Variants in RBFOX1 observed in about 807,000 individuals in gnomAD.
RBFOX1 encodes the protein RNA binding protein fox-1 homolog 1.
In RBFOX1, 8 loss-of-function variants were observed where a neutral mutation model predicts 57.7. The ratio of observed to expected loss-of-function variants is 0.14; its 90% CI spans 0.08 to 0.25. RBFOX1 has a LOEUF of 0.25. Ranked by LOEUF, RBFOX1 falls within the 10% of genes least tolerant of loss-of-function variation. RBFOX1 has a pLI of 1.00. For synonymous variants in RBFOX1, 326 were observed against 222.4 expected (o/e 1.47, Z -4.15); for missense variants, 611 against 548.5 (o/e 1.11, Z -1.14).
chr16:5,690,063 C>T (rs143032917), intron 3 of RBFOX1, among the ~76,000 whole-genome samples: 3 of 152,272 alleles, frequency 2.0e-5, no homozygotes, highest in African/African-American at 7.2e-5. Context: ...GAGAGCTGGA[C>T]AGTGGTCAGG....
At chr16:6,257,980 G>C (rs149605672) in intron 1 of RBFOX1, among the ~76,000 whole-genome samples, 1 of 151,872 alleles carries the variant, frequency 6.6e-6, no homozygotes, top group Non-Finnish European at 1.5e-5. Flanking sequence ...TCTCTTTTTT[G>C]GTCTTTGAGG....
intron 3 of RBFOX1, among the ~76,000 whole-genome samples, chr16:6,978,752 C>G (rs1273046443): frequency 6.6e-6 from 1 of 152,218 alleles, no homozygotes; most frequent in Non-Finnish European, 1.5e-5. Flanking sequence ...ATTCGAACCC[C>G]AGATTTGAAC....
intron 2 of RBFOX1, among the ~76,000 whole-genome samples, chr16:6,551,741 T>C (rs145125211): frequency 4.2e-4 from 64 of 152,260 alleles, no homozygotes; most frequent in Middle Eastern, 3.4e-3. Flanking sequence ...TGATTGATAA[T>C]AAGGCAGCAG....
chr16:5,705,735 G>A (rs1452001652), intron 3 of RBFOX1, among the ~76,000 whole-genome samples: 1 of 152,166 alleles, frequency 6.6e-6, no homozygotes, highest in Non-Finnish European at 1.5e-5. Flanking sequence ...AGCAAAGCAG[G>A]TGGGCTTTTA....
At chr16:5,557,847 T>C (rs1252138002) in intron 2 of RBFOX1, among the ~76,000 whole-genome samples, 1 of 152,174 alleles carries the variant, frequency 6.6e-6, no homozygotes, top group Non-Finnish European at 1.5e-5. Context: ...ATGCCCCTCG[T>C]CCTGGCCCCG....
intron 4 of RBFOX1, among the ~76,000 whole-genome samples, chr16:7,190,115 C>A (rs2085003562): frequency 6.6e-6 from 1 of 152,152 alleles, no homozygotes; most frequent in African/African-American, 2.4e-5. Flanking sequence ...AATCCCAGAA[C>A]TTTGGGAGGC....
intron 4 of RBFOX1, among the ~76,000 whole-genome samples, chr16:7,366,584 G>T (rs1317642097): frequency 2.0e-5 from 3 of 151,950 alleles, no homozygotes; most frequent in Non-Finnish European, 4.4e-5. Flanking sequence ...TGTCCTAGTT[G>T]ATATATTTGT....
chr16:6,174,481 A>G (rs1176375054), intron 1 of RBFOX1, among the ~76,000 whole-genome samples: 2 of 152,120 alleles, frequency 1.3e-5, no homozygotes, highest in African/African-American at 4.8e-5. Flanking sequence ...TGTAGTCCCA[A>G]CTATTGGGGA....
intron 14 of RBFOX1, 109 bp from the exon 15 acceptor site, chr16:7,708,947 G>C (rs563953581): frequency 2.1e-6 from 2 of 961,956 alleles, no homozygotes; most frequent in Non-Finnish European, 3.3e-6. Context: ...CTTCTCACTG[G>C]AAGATGAGTA....
intron 5 of RBFOX1, among the ~76,000 whole-genome samples, chr16:7,522,080 C>T (rs935682927): frequency 2.6e-5 from 4 of 152,174 alleles, no homozygotes; most frequent in Admixed American, 1.3e-4. Flanking sequence ...CTGAGTGTCC[C>T]AGCCCTGGGG....
intron 4 of RBFOX1, among the ~76,000 whole-genome samples, chr16:7,511,481 C>A (rs1356820090): frequency 2.6e-5 from 4 of 152,160 alleles, no homozygotes; most frequent in African/African-American, 7.2e-5. Context: ...ATTCTCTGAG[C>A]ATCAGAAGAG....
chr16:7,351,555 A>G (rs1000940909), intron 4 of RBFOX1, among the ~76,000 whole-genome samples: 1 of 152,230 alleles, frequency 6.6e-6, no homozygotes, highest in Non-Finnish European at 1.5e-5. Context: ...ATAATGTAAG[A>G]GGGAAGAAAC....
intron 1 of RBFOX1, among the ~76,000 whole-genome samples, chr16:6,136,704 T>G (rs994912377): frequency 1.3e-5 from 2 of 152,092 alleles, no homozygotes; most frequent in African/African-American, 4.8e-5. Context: ...AAGGAAGCAT[T>G]TCTCTTCAAA....
chr16:5,647,718 A>G (rs1448154819), intron 3 of RBFOX1, among the ~76,000 whole-genome samples: 1 of 152,230 alleles, frequency 6.6e-6, no homozygotes, highest in Non-Finnish European at 1.5e-5. Context: ...CTGCAACGCC[A>G]GGTTCAAGGC....
intron 14 of RBFOX1, among the ~76,000 whole-genome samples, chr16:7,677,958 C>G (rs952209360): frequency 2.6e-5 from 4 of 152,136 alleles, no homozygotes; most frequent in African/African-American, 9.7e-5. Flanking sequence ...CCATTTCTCA[C>G]GAGACGTGGT....
chr16:6,595,740 A>G (rs559514036), intron 2 of RBFOX1, among the ~76,000 whole-genome samples: 7 of 152,236 alleles, frequency 4.6e-5, no homozygotes, highest in Non-Finnish European at 7.4e-5. Context: ...CTCTTTGACA[A>G]TAGCCATTTT....
At chr16:5,748,192 A>T (rs1167353575) in intron 3 of RBFOX1, among the ~76,000 whole-genome samples, 1 of 151,994 alleles carries the variant, frequency 6.6e-6, no homozygotes, top group African/African-American at 2.4e-5. Flanking sequence ...GTTTTGAGTG[A>T]GTTTCTTAAT....
chr16:5,598,273 C>G lies in RBFOX1; in HGVS notation c.259-629C>G, dbSNP rs2047253818. Among the ~76,000 whole-genome samples, 2 of 151,910 alleles carry G rather than the reference C, an allele frequency of 1.3e-5. 1 individual carries two copies. Among genetic ancestry groups the G allele is most frequent in the South Asian group, 4.2e-4 (2 of 4,802 alleles). On this transcript the variant is annotated intron_variant, in intron 2 of 2. Coordinates refer to the RBFOX1 transcript ENST00000585867. ...AGTAGTGCATAGCATTGCAGATGCT[C>G]CCTAGATGCAAAGTGTTGCTGGAGT...
At chr16:5,638,487 C>A (rs2151322649) in intron 3 of RBFOX1, among the ~76,000 whole-genome samples, 1 of 152,230 alleles carries the variant, frequency 6.6e-6, no homozygotes, top group Non-Finnish European at 1.5e-5. Context: ...TTCCCTCTGC[C>A]TGCAGCTGCT....
Sources: gnomAD v4.1 joint callset for allele counts (sites outside exome capture counted in the v4.1 genomes callset) on GRCh38, gnomAD v4.1.1 for gene constraint, MANE v1.5 for transcripts, NCBI Gene and HGNC (gene_info 2026-07-23, HGNC 2026-07-21) for gene names.